CFHR5: variants seen among roughly 807,000 people sequenced by gnomAD.
The protein encoded by CFHR5 is complement factor H-related protein 5.
CFHR5 carries 73 observed loss-of-function variants against 62.9 expected under a neutral mutation model. That is an observed-to-expected ratio of 1.16 (90% confidence interval 0.96 to 1.41). CFHR5 has a LOEUF of 1.41. Ranked by LOEUF, CFHR5 falls within the 40% of genes most tolerant of loss-of-function variation. The pLI, the probability that CFHR5 is intolerant of heterozygous loss-of-function variation, is 0.00. For missense variants in CFHR5, 779 were observed against 679.9 expected (o/e 1.15, Z -1.62); for synonymous variants, 249 against 227.2 (o/e 1.10, Z -0.86).
At chr1:196,994,303 A>AATAATGCCCATATATTTTTATT in intron 4 of CFHR5, 47 bp downstream of exon 4, 1 of 1,388,708 alleles carries the variant, frequency 7.2e-7, no homozygotes, top group Non-Finnish European at 1.0e-6. Context: ...TGATTTTTAT[A>AATAATGCCCATATATTTTTATT]ATAATGCCCA....
At chr1:196,983,245 G>A (rs1443461372) in intron 2 of CFHR5, among the ~76,000 whole-genome samples, 166 bp downstream of exon 2, 1 of 152,146 alleles carries the variant, frequency 6.6e-6, no homozygotes, top group East Asian at 1.9e-4. Flanking sequence ...GAGAATCAAT[G>A]AAGAATAAAT....
chr1:196,980,841 T>A (rs1325485279), intron 1 of CFHR5, among the ~76,000 whole-genome samples: 1 of 152,102 alleles, frequency 6.6e-6, no homozygotes, highest in Non-Finnish European at 1.5e-5. Flanking sequence ...TGGTGAGAAC[T>A]AAGTTATTCT....
At chr1:196,996,266 G>A (rs1653989235) in intron 6 of CFHR5, 65 bp downstream of exon 6, 1 of 1,294,906 alleles carries the variant, frequency 7.7e-7, no homozygotes, top group East Asian at 2.3e-5. Context: ...TGTATAAAGT[G>A]TATAAATCTG....
chr1:196,985,406 A>G (rs1053467947), intron 3 of CFHR5, among the ~76,000 whole-genome samples: 10 of 152,076 alleles, frequency 6.6e-5, no homozygotes, highest in Non-Finnish European at 1.2e-4. Context: ...GTCTTTTTAA[A>G]ACAGCTGGAA....
In CFHR5 at chr1:197,008,604, C is replaced by G; in HGVS notation, c.1631C>G (p.Pro544Arg). ...GDAVEFQCKF[P>R]HKAMISSPPF... ...GCTGTTGAATTCCAGTGTAAATTCC[C>G]ACATAAAGCGATGATATCATCACCA... Residue 544 changes from proline to arginine, a missense_variant, in exon 10 of 10, where the codon CCA becomes CGA. Physicochemically the swap from Pro to Arg is moderately radical, Grantham distance 103 (BLOSUM62 -2). Coordinates refer to ENST00000256785, the MANE Select transcript of CFHR5 (RefSeq NM_030787.4). 1.2e-6 allele frequency: 2 copies of G among 1,613,634 alleles called. No individual in the cohort carries two copies. The highest frequency in any genetic ancestry group is 3.3e-4 in the Middle Eastern group (2 of 6,058).
intron 3 of CFHR5, among the ~76,000 whole-genome samples, chr1:196,989,359 C>T (rs879448568): frequency 6.6e-6 from 1 of 151,170 alleles, no homozygotes; most frequent in African/African-American, 2.5e-5. Flanking sequence ...CTTTTGTTGT[C>T]TCTATCTCCT....
rs866374508 is a variant in CFHR5 at position 197,009,135 on chromosome 1, C to G, written c.*452C>G. The stretch of plus-strand genomic sequence containing the variant: ...ACAGAGTGGCGGGGGCGGGGAGGAG[C>G]GCAAACTCATCCTTTATAAAGACAC... On this transcript the variant is annotated 3_prime_UTR_variant, in exon 10 of 10. Transcript: ENST00000256785. 303 of 161,282 alleles carry G rather than the reference C, an allele frequency of 1.9e-3. No homozygotes were observed. Among genetic ancestry groups the G allele is most frequent in the African/African-American group, 7.1e-3 (293 of 41,556 alleles). The allele number at this position is 161,282 out of a possible 1,614,324, so 10.0% of individuals were successfully genotyped here. A position where few individuals can be genotyped will look rare whatever the true frequency, so the allele number is the denominator to read the frequency against.
chr1:197,005,117 G>A (rs1010049236), intron 9 of CFHR5, among the ~76,000 whole-genome samples: 4 of 152,130 alleles, frequency 2.6e-5, no homozygotes, highest in African/African-American at 2.4e-5. Context: ...GGGCCTATTC[G>A]CACTCCATTA....
Position 196,983,069 on chromosome 1 carries a change from G to A in CFHR5, c.243G>A (p.Pro81=), listed in dbSNP as rs7532068. ...TCTEEGWSPT[P]KCLRMCSFPF... is the part of the protein sequence containing the mutation. ...CAGAAGAAGGATGGTCACCAACACCGAAGTGTCTCAGTGAGTAAATGCCCT... is the reference window on the plus strand; with the variant it reads ...CAGAAGAAGGATGGTCACCAACACCAAAGTGTCTCAGTGAGTAAATGCCCT... Residue 81 remains proline (P), a synonymous_variant, in exon 2 of 10, where the codon CCG becomes CCA. Coordinates refer to ENST00000256785, the MANE Select transcript of CFHR5 (RefSeq NM_030787.4). 5,047 of 1,613,894 alleles carry A rather than the reference G, an allele frequency of 3.1e-3. 85 individuals are homozygous for A. The African/African-American group carries it at 0.046, about 15-fold the overall frequency.
chr1:196,988,581 C>T (rs530154069), intron 3 of CFHR5, among the ~76,000 whole-genome samples: 36 of 151,966 alleles, frequency 2.4e-4, no homozygotes, highest in Admixed American at 1.8e-3. Context: ...TAGCATGAAG[C>T]GCTGTTGAAT....
At position 196,998,293 on chromosome 1, in the gene CFHR5, T is replaced by C. The variant is rs748631825; in HGVS notation, c.1136T>C (p.Val379Ala). ...VCINGKWNPE[V>A]DCTEKREQFC... ...ATAAACGGGAAATGGAATCCTGAAGTAGACTGCACAGGTAAGATTTGTTTA... is the reference window on the plus strand; with the variant it reads ...ATAAACGGGAAATGGAATCCTGAAGCAGACTGCACAGGTAAGATTTGTTTA... Residue 379 changes from valine to alanine, a missense_variant, in exon 7 of 10, where the codon GTA (valine) becomes GCA (alanine). Transcript: ENST00000256785. 1 of 1,610,768 alleles carries C rather than the reference T, an allele frequency of 6.2e-7. No homozygotes were observed. Among genetic ancestry groups the C allele is most frequent in the Non-Finnish European group, 8.5e-7 (1 of 1,177,936 alleles).
chr1:196,996,999 T>A lies in CFHR5; in HGVS notation c.970+798T>A, dbSNP rs1305785354. ...TATTTTTTTTCCCGACACCCTCAGA[T>A]CCTGGCCTCTTTTGTCCTATCTCTA... is the stretch of plus-strand genomic sequence containing the variant. On this transcript the variant is annotated intron_variant, in intron 6 of 9. Coordinates refer to ENST00000256785, the MANE Select transcript of CFHR5 (RefSeq NM_030787.4). Among the ~76,000 whole-genome samples, 3 of 152,016 alleles carry A rather than the reference T, an allele frequency of 2.0e-5. No individual in the cohort carries two copies. The East Asian group carries it at 5.8e-4, about 29-fold the overall frequency.
intron 2 of CFHR5, 139 bp from the exon 3 acceptor site, chr1:196,983,822 C>A (rs371011377): frequency 1.2e-5 from 7 of 590,280 alleles, no homozygotes; most frequent in African/African-American, 3.7e-5. Context: ...ATCATTTATA[C>A]GGTAGCATGA....
In CFHR5 at chr1:197,002,763, G is replaced by A. The variant is rs897830488; in HGVS notation, c.1330+99G>A. ...AACAAGAACTTATGACTAATCTGTT[G>A]CACTGTACCCCAAAGCCTTAAATTG... is the stretch of plus-strand genomic sequence containing the variant. On this transcript the variant is annotated intron_variant, in intron 8 of 9. Transcript: ENST00000256785. 4.5e-5 allele frequency: 44 copies of A among 985,772 alleles called. No individual in the cohort carries two copies. In the African/African-American group the frequency reaches 6.9e-4, roughly 15 times the overall value. 61.1% of individuals were successfully genotyped at this position (985,772 alleles called of 1,614,324 possible). A position where few individuals can be genotyped will look rare whatever the true frequency, so the allele number is the denominator to read the frequency against.
intron 3 of CFHR5, among the ~76,000 whole-genome samples, chr1:196,989,399 T>C (rs1439680558): frequency 2.6e-5 from 4 of 152,202 alleles, no homozygotes; most frequent in Non-Finnish European, 5.9e-5. Context: ...AGTTATTTCT[T>C]GCCTTCTGCT....
intron 9 of CFHR5, among the ~76,000 whole-genome samples, chr1:197,006,844 T>C (rs991219050): frequency 6.6e-6 from 1 of 152,048 alleles, no homozygotes; most frequent in Admixed American, 6.6e-5. Context: ...TTTTTTTATT[T>C]TTATTTTTTC....
intron 3 of CFHR5, among the ~76,000 whole-genome samples, chr1:196,984,525 G>A (rs1217745867): frequency 6.6e-6 from 1 of 152,036 alleles, no homozygotes; most frequent in African/African-American, 2.4e-5. Flanking sequence ...AAATTAATAT[G>A]CTTGAGTCAA....
intron 9 of CFHR5, among the ~76,000 whole-genome samples, chr1:197,006,714 A>AC (rs1054650479): frequency 6.6e-6 from 1 of 151,818 alleles, no homozygotes; most frequent in Non-Finnish European, 1.5e-5. Flanking sequence ...CTCCGTCAAA[A>AC]AAAAAAAAAG....
At chr1:196,975,771 C>T (rs1303667478), upstream of CFHR5, among the ~76,000 whole-genome samples, 1 of 152,110 alleles carries the variant, frequency 6.6e-6, no homozygotes, top group Non-Finnish European at 1.5e-5. Flanking sequence ...GCACAGTTGC[C>T]TTTGTTTTTC....
Sources: allele counts gnomAD v4.1 joint callset (sites outside exome capture counted in the v4.1 genomes callset), GRCh38; gene constraint gnomAD v4.1.1; transcripts MANE v1.5; gene names NCBI Gene and HGNC (gene_info 2026-07-23, HGNC 2026-07-21).